Variants in ZAP70 observed in about 807,000 individuals in gnomAD.
ZAP70 encodes the protein tyrosine-protein kinase ZAP-70.
In ZAP70, 27 loss-of-function variants were observed where a neutral mutation model predicts 65.8. That is an observed-to-expected ratio of 0.41 (90% confidence interval 0.30 to 0.57). The LOEUF (loss-of-function observed/expected upper bound fraction) is 0.57. Among genes scored for constraint, ZAP70 ranks in the 20% least tolerant of loss-of-function variants. ZAP70 has a pLI of 0.28. For synonymous variants in ZAP70, 363 were observed against 360.8 expected, an observed-to-expected ratio of 1.01 and a Z score of -0.07; for missense variants, 696 against 870.5, an observed-to-expected ratio of 0.80 and a Z score of 2.52.
At chr2:97,745,824 T>C in the ZAP70 span, among the ~76,000 whole-genome samples, 1 of 152,216 alleles carries the variant, frequency 6.6e-6, no homozygotes, top group Admixed American at 6.5e-5. Context: ...CCCCAGTGAA[T>C]TGAAAACAAG....
chr2:97,742,103 G>A (rs1678145526), downstream of ZAP70, among the ~76,000 whole-genome samples: 1 of 152,200 alleles, frequency 6.6e-6, no homozygotes, highest in Admixed American at 6.5e-5. Context: ...GGCGGGGCTG[G>A]AAGGCTGAGT....
downstream of ZAP70, among the ~76,000 whole-genome samples, chr2:97,743,583 G>A (rs1023060606): frequency 9.9e-5 from 15 of 152,270 alleles, no homozygotes; most frequent in East Asian, 9.6e-4. Flanking sequence ...TGATCCACCC[G>A]CCTCGGCCTC....
At chr2:97,724,571 G>A (rs1677300880) in intron 3 of ZAP70, 133 bp downstream of exon 3, 1 of 1,534,102 alleles carries the variant, frequency 6.5e-7, no homozygotes, top group Admixed American at 2.0e-5. Flanking sequence ...GGAGAGGTGG[G>A]GCACTGGTTG....
At chr2:97,742,962 T>C (rs1238722369), downstream of ZAP70, among the ~76,000 whole-genome samples, 3 of 152,208 alleles carry the variant, frequency 2.0e-5, no homozygotes, top group African/African-American at 7.2e-5. Flanking sequence ...GGACAGAGGT[T>C]GTTAGCTCTC....
rs574521093 is a variant in ZAP70, at chr2:97,714,697, T to C, written c.-22+703T>C. 9.8e-5 allele frequency among the ~76,000 whole-genome samples: 15 copies of C among 152,330 alleles called. No homozygotes were observed. In the South Asian group the frequency reaches 2.7e-3, roughly 27 times the overall value. Reference sequence around the variant, plus strand: ...AGCAGCTCGAGATGATTCATTACTCTCGTCTTGGTTGGAACAGTAGGCAGA... The same window carrying C: ...AGCAGCTCGAGATGATTCATTACTCCCGTCTTGGTTGGAACAGTAGGCAGA... On this transcript the variant is annotated intron_variant, in intron 2 of 13. Transcript: ENST00000264972.
chr2:97,754,422 TG>T, the ZAP70 span, among the ~76,000 whole-genome samples: 1 of 152,114 alleles, frequency 6.6e-6, no homozygotes, highest in Admixed American at 6.5e-5. Context: ...TTTTTTGAGA[TG>T]GAGTCTTGCT....
At chr2:97,744,834 AAACT>A (rs1247550641), downstream of ZAP70, among the ~76,000 whole-genome samples, 1 of 152,202 alleles carries the variant, frequency 6.6e-6, no homozygotes, top group African/African-American at 2.4e-5. Flanking sequence ...ACATATAAAA[AAACT>A]AACTAAAATG....
intron 3 of ZAP70, chr2:97,724,668 C>T (rs1245295627): frequency 2.0e-6 from 3 of 1,527,820 alleles, no homozygotes; most frequent in Non-Finnish European, 2.6e-6. Context: ...TGGTGCTCTA[C>T]TATGCCAGAT....
At chr2:97,751,280 C>T in the ZAP70 span, among the ~76,000 whole-genome samples, 3 of 152,094 alleles carry the variant, frequency 2.0e-5, no homozygotes, top group Admixed American at 6.5e-5. Flanking sequence ...CTGTAGATCA[C>T]GTAGAGGCGG....
At chr2:97,721,538 C>T (rs187161755) in intron 2 of ZAP70, among the ~76,000 whole-genome samples, 7 of 150,842 alleles carry the variant, frequency 4.6e-5, no homozygotes, top group East Asian at 1.9e-4. Context: ...CTTGGCCTCC[C>T]GAGTAGCTGG....
downstream of ZAP70, among the ~76,000 whole-genome samples, chr2:97,744,371 A>G: frequency 6.6e-6 from 1 of 152,190 alleles, no homozygotes; most frequent in East Asian, 1.9e-4. Flanking sequence ...TCGGTATAAT[A>G]TGACAAGGCC....
intron 4 of ZAP70, 75 bp downstream of exon 4, chr2:97,725,327 G>C (rs1230355024): frequency 6.4e-6 from 10 of 1,573,578 alleles, no homozygotes; most frequent in African/African-American, 1.3e-5. Context: ...TGGGGCAGAC[G>C]TGAGTGTGCA....
intron 2 of ZAP70, among the ~76,000 whole-genome samples, chr2:97,716,673 C>T (rs758221894): frequency 9.9e-5 from 15 of 152,094 alleles, no homozygotes; most frequent in South Asian, 2.1e-4. Context: ...GGGACCTGAA[C>T]GAATAACATG....
At chr2:97,719,791 C>A (rs1487767963) in intron 2 of ZAP70, among the ~76,000 whole-genome samples, 1 of 152,094 alleles carries the variant, frequency 6.6e-6, no homozygotes, top group Non-Finnish European at 1.5e-5. Flanking sequence ...GCATACAGCC[C>A]AGAGACTACC....
Position 97,734,597 on chromosome 2 carries a change from G to C in ZAP70, c.967G>C (p.Glu323Gln). The C allele has an allele frequency of 6.2e-7, 1 of 1,614,222 alleles. No homozygotes were observed. The change falls in exon 9 of 14, where the codon GAG (glutamate) becomes CAG (glutamine). Residue 323 changes from glutamate (E) to glutamine (Q), a missense_variant. Glu to Gln is a conservative substitution (Grantham distance 29, BLOSUM62 2). Coordinates refer to ENST00000264972, the MANE Select transcript of ZAP70 (RefSeq NM_001079.4). ...GTATGAGAGCCCCTACAGCGACCCA[G>C]AGGAGCTCAAGGACAAGAAGCTCTT... ...SVYESPYSDP[E>Q]ELKDKKLFLK... is the part of the protein sequence containing the mutation.
the ZAP70 span, among the ~76,000 whole-genome samples, chr2:97,750,007 AG>A: frequency 6.6e-6 from 1 of 152,372 alleles, no homozygotes; most frequent in South Asian, 2.1e-4. Context: ...AACAGACAAT[AG>A]GAAGTGCTAC....
Position 97,724,314 on chromosome 2 carries a change from G to A in ZAP70, c.278G>A (p.Gly93Glu), listed in dbSNP as rs1047650227. ...LCEFYSRDPD[G>E]LPCNLRKPCN... Reference sequence around the variant, plus strand: ...GAGTTCTACTCGCGCGACCCCGACGGGCTGCCCTGCAACCTGCGCAAGCCG... The same window carrying A: ...GAGTTCTACTCGCGCGACCCCGACGAGCTGCCCTGCAACCTGCGCAAGCCG... Residue 93 changes from glycine to glutamate, a missense_variant, in exon 3 of 14, where the codon GGG (glycine) becomes GAG (glutamate). Gly to Glu is a moderately conservative substitution (Grantham distance 98, BLOSUM62 -2). This residue lies in a region of ZAP70 where 551 missense variants were observed against 630.0 expected (regional missense o/e 0.87). Transcript: ENST00000264972. 6.3e-7 allele frequency: 1 copy of A among 1,587,774 alleles called. No homozygotes were observed.
chr2:97,730,821 C>T lies in ZAP70; in HGVS notation c.564-2062C>T, dbSNP rs546692097. 5.9e-5 allele frequency among the ~76,000 whole-genome samples: 9 copies of T among 152,090 alleles called. No homozygotes were observed. In the East Asian group the frequency reaches 7.7e-4, roughly 13 times the overall value. On this transcript the variant is annotated intron_variant, in intron 4 of 13. Transcript: ENST00000264972. ...CTGTAATCCCAGCACTTTGGGAGGCCGAGGCAGGTGGATCACGAGGTCAGA... is the reference window on the plus strand; with the variant it reads ...CTGTAATCCCAGCACTTTGGGAGGCTGAGGCAGGTGGATCACGAGGTCAGA...
intron 4 of ZAP70, among the ~76,000 whole-genome samples, chr2:97,730,916 G>A (rs578195942): frequency 1.2e-3 from 183 of 152,064 alleles, no homozygotes; most frequent in African/African-American, 3.7e-3. Context: ...TTAGCTGGGC[G>A]TGGTGGTGTG....
Sources: gnomAD v4.1 joint callset for allele counts (sites outside exome capture counted in the v4.1 genomes callset) on GRCh38, gnomAD v4.1.1 for gene constraint, gnomAD v4.1.1 regional missense constraint, MANE v1.5 for transcripts, NCBI Gene and HGNC (gene_info 2026-07-23, HGNC 2026-07-21) for gene names.